The following CELF4 variants were observed in gnomAD, a reference collection of about 807,000 sequenced individuals.
CELF4 encodes the protein CUGBP Elav-like family member 4.
Under a neutral mutation model 59.9 loss-of-function variants are expected in CELF4, and 18 were observed. The observed-to-expected ratio is 0.30, with a 90% CI of 0.21 to 0.45. The LOEUF (loss-of-function observed/expected upper bound fraction) is 0.45, where lower values mean the gene tolerates loss of function less well. Among genes scored for constraint, CELF4 ranks in the 20% least tolerant of loss-of-function variants. The pLI, the probability that CELF4 is intolerant of heterozygous loss-of-function variation, is 1.00. For missense variants in CELF4, 456 were observed against 689.0 expected (o/e 0.66, Z 3.79); for synonymous variants, 261 against 267.1 (o/e 0.98, Z 0.22).
chr18:37,546,142 C>T (rs2099981350), intron 1 of CELF4, among the ~76,000 whole-genome samples: 1 of 152,212 alleles, frequency 6.6e-6, no homozygotes, highest in Admixed American at 6.5e-5. Flanking sequence ...CTGTTTTTTA[C>T]ATGCACTTGG....
At chr18:37,355,557 C>T (rs1194157089) in intron 2 of CELF4, among the ~76,000 whole-genome samples, 1 of 152,080 alleles carries the variant, frequency 6.6e-6, no homozygotes, top group Non-Finnish European at 1.5e-5. Context: ...CCTGTAATCC[C>T]AGCTACACGG....
At chr18:37,420,294 G>A (rs529680990) in intron 2 of CELF4, among the ~76,000 whole-genome samples, 63 of 152,370 alleles carry the variant, frequency 4.1e-4, no homozygotes, top group Admixed American at 3.1e-3. Flanking sequence ...CACTAGCCAT[G>A]GAACACTGGG....
At chr18:37,546,757 C>T (rs1035310271) in intron 1 of CELF4, among the ~76,000 whole-genome samples, 1 of 152,214 alleles carries the variant, frequency 6.6e-6, no homozygotes, top group Non-Finnish European at 1.5e-5. Context: ...AAACCCATGT[C>T]TACAACATGA....
At chr18:37,340,468 A>G (rs947226139) in intron 2 of CELF4, among the ~76,000 whole-genome samples, 1 of 152,236 alleles carries the variant, frequency 6.6e-6, no homozygotes, top group Non-Finnish European at 1.5e-5. Context: ...ATTGGGGATG[A>G]GCCTGGGACA....
In CELF4 at chr18:37,254,010, C is replaced by CG. The variant is rs2067309787; in HGVS notation, c.1334-73dup. 1.3e-5 allele frequency: 2 copies of CG among 156,908 alleles called. No individual in the cohort carries two copies. The highest frequency in any genetic ancestry group is 3.9e-5 in the African/African-American group (1 of 25,358). 9.7% of individuals were successfully genotyped at this position (156,908 alleles called of 1,614,324 possible). On this transcript the variant is annotated intron_variant, in intron 11 of 12. Transcript: ENST00000420428. The surrounding 1 kb of genome is among the most constrained non-coding windows in gnomAD (Gnocchi z 5.1). ...CGGGGCGCTGCCGGCGGGGAGGGGT[C>CG]GGGGGACAGGGGGGCGGGGCGGGCC...
intron 1 of CELF4, among the ~76,000 whole-genome samples, chr18:37,558,644 T>A (rs2099985619): frequency 6.6e-6 from 1 of 151,852 alleles, no homozygotes; most frequent in Admixed American, 6.6e-5. Flanking sequence ...AGGCTGCGTA[T>A]CTAAAGGCCT....
At chr18:37,321,368 G>A (rs1569561932) in intron 3 of CELF4, among the ~76,000 whole-genome samples, 1 of 152,246 alleles carries the variant, frequency 6.6e-6, no homozygotes, top group South Asian at 2.1e-4. Context: ...GGCCTTGAGT[G>A]CCCACACTCC....
At chr18:37,464,116 C>G (rs1416511045) in intron 2 of CELF4, among the ~76,000 whole-genome samples, 1 of 152,198 alleles carries the variant, frequency 6.6e-6, no homozygotes, top group Non-Finnish European at 1.5e-5. Flanking sequence ...TGAACGGTAA[C>G]GGGAAAGCTG....
intron 2 of CELF4, among the ~76,000 whole-genome samples, chr18:37,408,126 C>T (rs916450028): frequency 6.6e-6 from 1 of 152,164 alleles, no homozygotes; most frequent in African/African-American, 2.4e-5. Context: ...CTCTGTCTAC[C>T]TTTCCTCTTT....
intron 2 of CELF4, among the ~76,000 whole-genome samples, chr18:37,365,638 G>A (rs111362650): frequency 0.14 from 20,708 of 151,702 alleles, 1,810 homozygotes; most frequent in Non-Finnish European, 0.19. Flanking sequence ...GGCATCCACC[G>A]CCACACTCGG....
chr18:37,314,732 G>A (rs1047875477), intron 3 of CELF4, among the ~76,000 whole-genome samples: 6 of 152,228 alleles, frequency 3.9e-5, no homozygotes, highest in Admixed American at 3.9e-4. Flanking sequence ...CAGCTTGTGG[G>A]GGGAACAACA....
chr18:37,409,884 G>A (rs1393803245), intron 2 of CELF4, among the ~76,000 whole-genome samples: 3 of 152,214 alleles, frequency 2.0e-5, no homozygotes, highest in Non-Finnish European at 4.4e-5. Context: ...GGGCACTGCA[G>A]ACAGAGTTTG....
At chr18:37,515,825 C>A (rs1792595735) in intron 1 of CELF4, among the ~76,000 whole-genome samples, 1 of 152,010 alleles carries the variant, frequency 6.6e-6, no homozygotes, top group Admixed American at 6.6e-5. Context: ...CGCAGAGGGG[C>A]TGGAGGACAT....
Position 37,458,441 on chromosome 18 carries a change from T to C in CELF4, c.369+27084A>G, listed in dbSNP as rs531449889. On this transcript the variant is annotated intron_variant, in intron 2 of 12. Transcript: ENST00000420428. ...GAAGAGAGGGCTCCATTATCACCTT[T>C]GGGCTTATGTGGAAGGAGTACTGCA... Among the ~76,000 whole-genome samples, 3 of 152,340 alleles carry C rather than the reference T, an allele frequency of 2.0e-5. No individual in the cohort carries two copies. The South Asian group carries it at 6.2e-4, about 32-fold the overall frequency.
At chr18:37,395,071 G>T (rs1393713327) in intron 2 of CELF4, among the ~76,000 whole-genome samples, 3 of 151,924 alleles carry the variant, frequency 2.0e-5, no homozygotes, top group Non-Finnish European at 4.4e-5. Context: ...GTGGCCATGG[G>T]TTTCCCATAT....
intron 1 of CELF4, among the ~76,000 whole-genome samples, chr18:37,499,200 G>A (rs1303211580): frequency 6.6e-6 from 1 of 152,188 alleles, no homozygotes; most frequent in Non-Finnish European, 1.5e-5. Context: ...GAGAGTCTAG[G>A]ATGCTGGTGT....
At chr18:37,410,272 T>C (rs2099429694) in intron 2 of CELF4, among the ~76,000 whole-genome samples, 1 of 152,256 alleles carries the variant, frequency 6.6e-6, no homozygotes, top group Non-Finnish European at 1.5e-5. Context: ...CTTCCTTCTC[T>C]GCTCCTGAAG....
chr18:37,382,741 A>G (rs1301095092), intron 2 of CELF4, among the ~76,000 whole-genome samples: 1 of 152,170 alleles, frequency 6.6e-6, no homozygotes, highest in African/African-American at 2.4e-5. Flanking sequence ...GATTCAACAA[A>G]CGTAAAATAT....
At chr18:37,397,049 G>A (rs1294296176) in intron 2 of CELF4, among the ~76,000 whole-genome samples, 2 of 152,178 alleles carry the variant, frequency 1.3e-5, no homozygotes, top group Non-Finnish European at 2.9e-5. Flanking sequence ...GGCCTCCAGA[G>A]CCCAGGGGGG....
Sources: gnomAD v4.1 joint callset for allele counts (sites outside exome capture counted in the v4.1 genomes callset) on GRCh38, gnomAD v4.1.1 for gene constraint, Gnocchi (gnomAD v3.1) non-coding constraint, MANE v1.5 for transcripts, NCBI Gene and HGNC (gene_info 2026-07-23, HGNC 2026-07-21) for gene names.